CACNA2D4: variants seen among roughly 807,000 people sequenced by gnomAD.
CACNA2D4 encodes calcium voltage-gated channel auxiliary subunit alpha2delta 4.
Under a neutral mutation model 163.8 loss-of-function variants are expected in CACNA2D4, and 157 were observed. The ratio of observed to expected loss-of-function variants is 0.96; its 90% CI spans 0.84 to 1.09. CACNA2D4 has a LOEUF of 1.09. CACNA2D4 is among the 50% of genes least tolerant of loss of function. The probability of loss-of-function intolerance (pLI) is 0.00; values close to 1 mark genes in which losing one functional copy is unlikely to be tolerated. For missense variants in CACNA2D4, 1,410 were observed against 1,479.9 expected, an observed-to-expected ratio of 0.95 and a Z score of 0.78; for synonymous variants, 598 against 586.9, an observed-to-expected ratio of 1.02 and a Z score of -0.27.
At chr12:1,819,217 T>C (rs911087471) in intron 26 of CACNA2D4, among the ~76,000 whole-genome samples, 2 of 151,984 alleles carry the variant, frequency 1.3e-5, no homozygotes, top group Non-Finnish European at 2.9e-5. Context: ...CACGCTTTCA[T>C]GGAGATGGAG....
chr12:1,882,817 C>T (rs1866036087), intron 13 of CACNA2D4, 50 bp downstream of exon 13: 3 of 1,604,722 alleles, frequency 1.9e-6, no homozygotes, highest in Admixed American at 3.4e-5. Flanking sequence ...TCCCTGGGGT[C>T]CCTAACTCTG....
At chr12:1,803,736 C>A (rs1188206913) in intron 29 of CACNA2D4, among the ~76,000 whole-genome samples, 1 of 152,228 alleles carries the variant, frequency 6.6e-6, no homozygotes, top group African/African-American at 2.4e-5. Flanking sequence ...TTTCATAATA[C>A]CTTTTATTCA....
At chr12:1,909,762 T>C (rs1866767736) in intron 4 of CACNA2D4, 144 bp downstream of exon 4, 1 of 681,128 alleles carries the variant, frequency 1.5e-6, no homozygotes, top group East Asian at 2.7e-5. Context: ...GGCTAGCACA[T>C]TGCTGTGCCT....
intron 16 of CACNA2D4, among the ~76,000 whole-genome samples, chr12:1,876,524 G>A (rs987522551): frequency 6.6e-6 from 1 of 152,216 alleles, no homozygotes; most frequent in Non-Finnish European, 1.5e-5. Flanking sequence ...TAATTAACAT[G>A]TCTGCTTTGA....
intron 31 of CACNA2D4, chr12:1,800,828 G>A: frequency 1.7e-6 from 1 of 601,412 alleles, no homozygotes; most frequent in Admixed American, 2.9e-5. Flanking sequence ...ACAACTACCA[G>A]AGCAGTCCCT....
chr12:1,852,846 T>C (rs543460671), intron 23 of CACNA2D4, among the ~76,000 whole-genome samples: 49 of 152,280 alleles, frequency 3.2e-4, no homozygotes, highest in Middle Eastern at 3.4e-3. Flanking sequence ...TCTGCCACTT[T>C]CGAGGCGTAT....
intron 23 of CACNA2D4, among the ~76,000 whole-genome samples, chr12:1,849,638 G>C (rs1865229879): frequency 6.6e-6 from 1 of 152,154 alleles, no homozygotes; most frequent in East Asian, 1.9e-4. Flanking sequence ...TGGAGAATAA[G>C]GCCTATTCAG....
At chr12:1,859,890 C>T (rs556010228) in intron 19 of CACNA2D4, among the ~76,000 whole-genome samples, 79 of 152,270 alleles carry the variant, frequency 5.2e-4, no homozygotes, top group African/African-American at 1.8e-3. Flanking sequence ...GCCTGGGGCC[C>T]ACAGGAGCAT....
intron 29 of CACNA2D4, among the ~76,000 whole-genome samples, chr12:1,808,515 C>T (rs1379771244): frequency 6.6e-6 from 1 of 152,248 alleles, no homozygotes; most frequent in East Asian, 1.9e-4. Flanking sequence ...AGGGCTGAGT[C>T]TCATGAAGCT....
chr12:1,846,766 G>A, intron 23 of CACNA2D4, 77 bp from the exon 24 acceptor site: 1 of 1,200,366 alleles, frequency 8.3e-7, no homozygotes, highest in South Asian at 1.3e-5. Flanking sequence ...GGGGTTTGGG[G>A]GCCTCTCCTT....
intron 18 of CACNA2D4, among the ~76,000 whole-genome samples, chr12:1,861,739 G>C (rs776544218): frequency 6.6e-6 from 1 of 152,018 alleles, no homozygotes; most frequent in African/African-American, 2.4e-5. Flanking sequence ...CACCATGCTC[G>C]GCCTATCTTT....
At chr12:1,831,658 GC>G in intron 26 of CACNA2D4, 1 of 722,708 alleles carries the variant, frequency 1.4e-6, no homozygotes, top group Non-Finnish European at 2.2e-6. Context: ...CTGCCTCTGT[GC>G]CAGCTCGGCT....
chr12:1,918,591 C>A lies in CACNA2D4; in HGVS notation c.-118G>T. 1 of 732,966 alleles carries A rather than the reference C, an allele frequency of 1.4e-6. No individual in the cohort carries two copies. The highest frequency in any genetic ancestry group is 2.3e-6 in the Non-Finnish European group (1 of 442,344). 45.4% of individuals were successfully genotyped at this position (732,966 alleles called of 1,614,324 possible). ...TGGGTGGGGAGGGCTTCTCTCTGCC[C>A]CACAGCTGCAGCTCACAGAAGAGTC... On this transcript the variant is annotated 5_prime_UTR_variant, in exon 1 of 38. Coordinates refer to ENST00000382722, the MANE Select transcript of CACNA2D4 (RefSeq NM_172364.5).
intron 9 of CACNA2D4, 87 bp from the exon 10 acceptor site, chr12:1,885,163 T>C (rs1010287442): frequency 9.4e-7 from 1 of 1,066,508 alleles, no homozygotes; most frequent in Admixed American, 1.7e-5. Flanking sequence ...GGAGGCTGTT[T>C]AGGGCCATCC....
Position 1,828,299 on chromosome 12 carries a change from A to G in CACNA2D4, c.2551+12440T>C. 8.3e-7 allele frequency: 1 copy of G among 1,209,448 alleles called. No individual in the cohort carries two copies. Among genetic ancestry groups the G allele is most frequent in the South Asian group, 1.6e-5 (1 of 63,798 alleles). 74.9% of individuals were successfully genotyped at this position (1,209,448 alleles called of 1,614,324 possible). A position where few individuals can be genotyped will look rare whatever the true frequency, so the allele number is the denominator to read the frequency against. ...TGTAGGTAGCGCCATATGGGACCTT[A>G]GCCACACTCAGGCTGCAGGGAGGCC... On this transcript the variant is annotated intron_variant, in intron 26 of 37. Coordinates refer to ENST00000382722, the MANE Select transcript of CACNA2D4 (RefSeq NM_172364.5). The surrounding 1 kb of genome is among the most constrained non-coding windows in gnomAD (Gnocchi z 4.2).
rs191673995 is a variant in CACNA2D4 at position 1,878,405 on chromosome 12, G to A, written c.1645-16C>T. 2.7e-5 allele frequency: 43 copies of A among 1,589,864 alleles called. No homozygotes were observed. Among genetic ancestry groups the A allele is most frequent in the South Asian group, 1.2e-4 (10 of 86,924 alleles). On this transcript the variant is annotated splice_polypyrimidine_tract_variant and intron_variant, in intron 15 of 37. Coordinates refer to ENST00000382722, the MANE Select transcript of CACNA2D4 (RefSeq NM_172364.5). This position sits in a 1 kb window ranked among gnomAD's most constrained non-coding sequence, Gnocchi z 4.6. Reference sequence around the variant, plus strand: ...GCACTCCAAGCTGCCAGAGTCCAGGGTGGAGGCGCATTAGGCCTGCTGTTT... The same window carrying A: ...GCACTCCAAGCTGCCAGAGTCCAGGATGGAGGCGCATTAGGCCTGCTGTTT...
At chr12:1,888,618 G>C (rs1225292644) in intron 6 of CACNA2D4, among the ~76,000 whole-genome samples, 1 of 152,052 alleles carries the variant, frequency 6.6e-6, no homozygotes, top group Non-Finnish European at 1.5e-5. Context: ...TGAAGCTTTC[G>C]GAGATGAAAA....
At chr12:1,808,704 C>T (rs568732486) in intron 29 of CACNA2D4, among the ~76,000 whole-genome samples, 133 of 152,352 alleles carry the variant, frequency 8.7e-4, no homozygotes, top group Non-Finnish European at 1.7e-3. Flanking sequence ...GCCAACACCA[C>T]GGGAGGCCTG....
chr12:1,811,712 G>T lies in CACNA2D4; in HGVS notation c.2563C>A (p.Gln855Lys). Residue 855 changes from glutamine to lysine, a missense_variant, in exon 27 of 38, where the codon CAA (glutamine) becomes AAA (lysine). Gln to Lys is a moderately conservative substitution (Grantham distance 53). Transcript: ENST00000382722. ...RTAIAAAAGV[Q>K]MKLEFLQRKF... ...CGCTGGAGGAATTCCAGCTTCATTT[G>T]GACGCCCGCGGCTACAGGGCAGAAA... is the stretch of plus-strand genomic sequence containing the variant. 3.2e-6 allele frequency: 5 copies of T among 1,558,892 alleles called. No homozygotes were observed. Among genetic ancestry groups the T allele is most frequent in the Non-Finnish European group, 4.3e-6 (5 of 1,150,882 alleles).
Sources: allele counts gnomAD v4.1 joint callset (sites outside exome capture counted in the v4.1 genomes callset), GRCh38; gene constraint gnomAD v4.1.1; non-coding constraint Gnocchi (gnomAD v3.1); transcripts MANE v1.5; gene names NCBI Gene and HGNC (gene_info 2026-07-23, HGNC 2026-07-21).